Variants in PRPF3 observed in about 807,000 individuals in gnomAD.
PRPF3 encodes U4/U6 small nuclear ribonucleoprotein Prp3.
A neutral mutation model predicts 89.2 loss-of-function variants in PRPF3; 3 were observed. The ratio of observed to expected loss-of-function variants is 0.03; its 90% CI spans 0.02 to 0.09. PRPF3 has a LOEUF of 0.09. PRPF3 is among the 10% of genes least tolerant of loss of function. The pLI, the probability that PRPF3 is intolerant of heterozygous loss-of-function variation, is 1.00. For synonymous variants in PRPF3, 270 were observed against 289.1 expected (o/e 0.93, Z 0.67); for missense variants, 463 against 828.8 (o/e 0.56, Z 5.42).
intron 3 of PRPF3, chr1:150,327,462 C>T (rs1655856269): frequency 4.7e-6 from 2 of 427,764 alleles, no homozygotes; most frequent in African/African-American, 4.3e-5. Context: ...AAGGAGGTGT[C>T]TAGATAGCCT....
intron 15 of PRPF3, 34 bp downstream of exon 15, chr1:150,349,252 T>C (rs377054978): frequency 5.3e-4 from 789 of 1,491,416 alleles, no homozygotes; most frequent in Non-Finnish European, 7.0e-4. Flanking sequence ...TGTAAAACTT[T>C]AGCCAACTCC....
At chr1:150,327,405 T>G (rs1295771550) in intron 3 of PRPF3, among the ~76,000 whole-genome samples, 1 of 152,146 alleles carries the variant, frequency 6.6e-6, no homozygotes, top group Non-Finnish European at 1.5e-5. Context: ...GGGCATGCTG[T>G]GAATGAAGTG....
In PRPF3 at chr1:150,343,301, C is replaced by T; in HGVS notation, c.1283-8C>T. 1.9e-6 allele frequency: 3 copies of T among 1,605,154 alleles called. No homozygotes were observed. The highest frequency in any genetic ancestry group is 2.6e-6 in the Non-Finnish European group (3 of 1,175,260). On this transcript the variant is annotated splice_polypyrimidine_tract_variant and splice_region_variant and intron_variant, in intron 9 of 15. Coordinates refer to ENST00000324862, the MANE Select transcript of PRPF3 (RefSeq NM_004698.4). ...CTGCTTTGGTATACTAATATCTCTG[C>T]CTGACAGTTGACAATGACACACCAG...
At chr1:150,343,791 G>C (rs1212069386) in intron 10 of PRPF3, among the ~76,000 whole-genome samples, 17 of 152,158 alleles carry the variant, frequency 1.1e-4, no homozygotes, top group African/African-American at 3.9e-4. Context: ...TACAATGAAA[G>C]TACAGGATAA....
At chr1:150,327,778 G>A (rs1466050948) in intron 3 of PRPF3, 1 of 317,774 alleles carries the variant, frequency 3.1e-6, no homozygotes, top group Admixed American at 6.2e-5. Flanking sequence ...GTGTTAATGG[G>A]GATTACTGAA....
At chr1:150,349,505 T>C (rs781996465) in intron 15 of PRPF3, among the ~76,000 whole-genome samples, 2 of 152,170 alleles carry the variant, frequency 1.3e-5, no homozygotes, top group Non-Finnish European at 2.9e-5. Context: ...TTCACAGTCA[T>C]GAATATGAGA....
intron 3 of PRPF3, chr1:150,327,732 A>G: frequency 1.6e-6 from 1 of 630,300 alleles, no homozygotes; most frequent in Non-Finnish European, 2.0e-6. Context: ...CAAATTAGTC[A>G]TCATATTTGA....
chr1:150,351,220 G>T (rs191198181), intron 15 of PRPF3, among the ~76,000 whole-genome samples: 1 of 150,818 alleles, frequency 6.6e-6, no homozygotes, highest in African/African-American at 2.4e-5. Context: ...AGCCGAGATC[G>T]CACCATTGCA....
At chr1:150,340,943 A>C (rs1657627460) in intron 9 of PRPF3, among the ~76,000 whole-genome samples, 1 of 151,776 alleles carries the variant, frequency 6.6e-6, no homozygotes, top group African/African-American at 2.4e-5. Context: ...CCATCTCTAC[A>C]AAAAATAAAA....
intron 7 of PRPF3, among the ~76,000 whole-genome samples, chr1:150,336,413 A>T (rs1402076812): frequency 6.6e-6 from 1 of 152,148 alleles, no homozygotes; most frequent in Non-Finnish European, 1.5e-5. Flanking sequence ...TGTGCAGCCC[A>T]GTTCCTAAAA....
chr1:150,350,326 C>T (rs1002939572), intron 15 of PRPF3, among the ~76,000 whole-genome samples: 1 of 152,006 alleles, frequency 6.6e-6, no homozygotes, highest in Non-Finnish European at 1.5e-5. Context: ...CTCGGCCTCC[C>T]GAGTAGCTGG....
chr1:150,346,375 A>G, intron 13 of PRPF3, 33 bp from the exon 14 acceptor site: 1 of 1,591,066 alleles, frequency 6.3e-7, no homozygotes, highest in Non-Finnish European at 8.6e-7. Context: ...CATCTTCCAC[A>G]GTTCTGGCAA....
chr1:150,324,848 A>G, intron 1 of PRPF3, 47 bp from the exon 2 acceptor site: 3 of 1,476,302 alleles, frequency 2.0e-6, no homozygotes, highest in Non-Finnish European at 2.8e-6. Context: ...CACCCAGCCC[A>G]CTTTAGTCTT....
intron 15 of PRPF3, among the ~76,000 whole-genome samples, chr1:150,352,587 C>A (rs963113048): frequency 5.9e-5 from 9 of 152,156 alleles, no homozygotes; most frequent in African/African-American, 1.9e-4. Flanking sequence ...ATGGTGTGAA[C>A]CCGGGAGGCG....
intron 4 of PRPF3, among the ~76,000 whole-genome samples, chr1:150,330,722 CTT>C (rs1232952290): frequency 7.0e-6 from 1 of 142,540 alleles, no homozygotes; most frequent in Admixed American, 7.1e-5. Flanking sequence ...ATGTTTCTTT[CTT>C]TTTTTTTTTT....
chr1:150,334,570 G>A (rs781890385), intron 6 of PRPF3, among the ~76,000 whole-genome samples: 3 of 151,868 alleles, frequency 2.0e-5, no homozygotes, highest in Non-Finnish European at 2.9e-5. Flanking sequence ...CCATCCACCC[G>A]CCTCAGCCTC....
intron 3 of PRPF3, 36 bp downstream of exon 3, chr1:150,325,917 T>C: frequency 6.2e-7 from 1 of 1,606,946 alleles, no homozygotes; most frequent in South Asian, 1.1e-5. Flanking sequence ...AGCTCAGGAC[T>C]GTTTTGAATG....
intron 13 of PRPF3, 74 bp downstream of exon 13, chr1:150,346,210 AAGG>A (rs1228823256): frequency 7.1e-7 from 1 of 1,399,556 alleles, no homozygotes; most frequent in African/African-American, 1.4e-5. Flanking sequence ...TGTGGGGAGA[AAGG>A]AGAAAAAGAT....
At chr1:150,333,444 G>A (rs587638327) in intron 6 of PRPF3, among the ~76,000 whole-genome samples, 2 of 152,246 alleles carry the variant, frequency 1.3e-5, no homozygotes, top group South Asian at 2.1e-4. Flanking sequence ...GTGCATGCCT[G>A]TAATCCCAGC....
Sources: allele counts gnomAD v4.1 joint callset (sites outside exome capture counted in the v4.1 genomes callset), GRCh38; gene constraint gnomAD v4.1.1; transcripts MANE v1.5; gene names NCBI Gene and HGNC (gene_info 2026-07-23, HGNC 2026-07-21).